RYK: variants seen among roughly 807,000 people sequenced by gnomAD.
RYK encodes inactive tyrosine-protein kinase RYK.
In RYK, 21 loss-of-function variants were observed where a neutral mutation model predicts 70.2. The observed-to-expected ratio is 0.30, with a 90% CI of 0.21 to 0.43. RYK has a LOEUF of 0.43. Among genes scored for constraint, RYK ranks in the 20% least tolerant of loss-of-function variants. The probability of loss-of-function intolerance (pLI) is 1.00; values close to 1 mark genes in which losing one functional copy is unlikely to be tolerated. For synonymous variants in RYK, 267 were observed against 278.0 expected (o/e 0.96, Z 0.39); for missense variants, 604 against 753.3 (o/e 0.80, Z 2.32).
chr3:134,186,412 A>C (rs569128487), intron 9 of RYK, among the ~76,000 whole-genome samples: 2 of 152,374 alleles, frequency 1.3e-5, no homozygotes, highest in South Asian at 4.1e-4. Context: ...CATGTAACAA[A>C]GCATACAGAT....
Position 134,195,096 on chromosome 3 carries a change from G to A in RYK, c.875C>T (p.Ala292Val). Residue 292 changes from alanine (A) to valine (V), a missense_variant, in exon 7 of 15, where the codon GCA becomes GTA. Ala to Val is a moderately conservative substitution (Grantham distance 64). Around this residue, in one of 2 missense-constraint regions of RYK, gnomAD observed 466 missense variants for 535.9 expected, o/e 0.87. Transcript: ENST00000623711. ...TTAACTCTTACTGGTGATAGGAGTT[G>A]CATTGTTGGGCGTGTCTGCTCTCAG... ...QYLRADTPNN[A>V]TPITSYPTLR... The A allele has an allele frequency of 6.2e-7, 1 of 1,611,570 alleles. No homozygotes were observed. The highest frequency in any genetic ancestry group is 2.2e-5 in the East Asian group (1 of 44,852).
At chr3:134,248,370 G>T (rs2015525820) in intron 1 of RYK, among the ~76,000 whole-genome samples, 1 of 152,118 alleles carries the variant, frequency 6.6e-6, no homozygotes, top group Non-Finnish European at 1.5e-5. Flanking sequence ...TTAGTTCCAG[G>T]CCAACCTTTG....
At chr3:134,211,062 A>G (rs1408021236) in intron 3 of RYK, among the ~76,000 whole-genome samples, 1 of 152,222 alleles carries the variant, frequency 6.6e-6, no homozygotes, top group Non-Finnish European at 1.5e-5. Context: ...ACAAGGCTAG[A>G]CAGGCAGGCA....
intron 11 of RYK, among the ~76,000 whole-genome samples, chr3:134,177,740 A>C (rs1357956236): frequency 6.6e-6 from 1 of 152,020 alleles, no homozygotes; most frequent in African/African-American, 2.4e-5. Flanking sequence ...CTTCAGCATC[A>C]GCACAGTGTA....
At chr3:134,230,361 G>A (rs1023973262) in intron 1 of RYK, among the ~76,000 whole-genome samples, 10 of 152,160 alleles carry the variant, frequency 6.6e-5, no homozygotes, top group Non-Finnish European at 1.0e-4. Flanking sequence ...GATTACAAGC[G>A]TGAGCCACCA....
chr3:134,188,816 A>AC (rs2013552640), intron 9 of RYK, 21 bp downstream of exon 9: 1 of 1,427,638 alleles, frequency 7.0e-7, no homozygotes, highest in Non-Finnish European at 9.8e-7. Flanking sequence ...TCATGGAAAT[A>AC]CTATGGAAAA....
At chr3:134,203,898 G>C (rs1320859479) in intron 5 of RYK, among the ~76,000 whole-genome samples, 1 of 152,184 alleles carries the variant, frequency 6.6e-6, no homozygotes, top group Non-Finnish European at 1.5e-5. Flanking sequence ...AGGAACTGAT[G>C]TTTTAATTTT....
Position 134,201,332 on chromosome 3 carries a change from C to G in RYK, c.788+1398G>C, listed in dbSNP as rs1373821007. 2.0e-5 allele frequency among the ~76,000 whole-genome samples: 3 copies of G among 152,292 alleles called. No homozygotes were observed. In the East Asian group the frequency reaches 5.8e-4, roughly 29 times the overall value. On this transcript the variant is annotated intron_variant, in intron 6 of 14. Transcript: ENST00000623711. ...GAGTACTAAGGGGCAGGTATTGAAT[C>G]CAACCAGCTCCCTTCCCCTTCATAT...
intron 1 of RYK, among the ~76,000 whole-genome samples, chr3:134,245,140 A>G (rs186080040): frequency 4.3e-4 from 65 of 152,354 alleles, no homozygotes; most frequent in Middle Eastern, 3.4e-3. Flanking sequence ...TGGAAATGAC[A>G]GTACATAACA....
intron 9 of RYK, among the ~76,000 whole-genome samples, chr3:134,188,165 A>C (rs74441346): frequency 1.0e-5 from 1 of 98,888 alleles, no homozygotes; most frequent in Non-Finnish European, 2.2e-5. Flanking sequence ...ATATATATAT[A>C]TATTTTTTTT....
chr3:134,184,434 C>A (rs1021802962), intron 9 of RYK, among the ~76,000 whole-genome samples: 1 of 152,034 alleles, frequency 6.6e-6, no homozygotes, highest in African/African-American at 2.4e-5. Context: ...AGAGGAATTT[C>A]TCCACTGCTT....
chr3:134,175,463 C>T, intron 13 of RYK, 146 bp downstream of exon 13: 1 of 836,820 alleles, frequency 1.2e-6, no homozygotes, highest in Non-Finnish European at 1.9e-6. Context: ...GGTTGACTGG[C>T]AGCTAATTAC....
intron 3 of RYK, among the ~76,000 whole-genome samples, 176 bp downstream of exon 3, chr3:134,211,332 G>A (rs1327280711): frequency 6.6e-6 from 1 of 152,214 alleles, no homozygotes; most frequent in African/African-American, 2.4e-5. Flanking sequence ...GGACAGAAAA[G>A]AGAGAATGGT....
chr3:134,185,670 G>C (rs2013438416), intron 9 of RYK, among the ~76,000 whole-genome samples: 1 of 152,024 alleles, frequency 6.6e-6, no homozygotes, highest in African/African-American at 2.4e-5. Flanking sequence ...ATGAAATTAT[G>C]GCCAGGACTA....
In RYK at chr3:134,157,431, G is replaced by A. The variant is rs577949383; in HGVS notation, c.*722C>T. 1.3e-5 allele frequency: 2 copies of A among 152,312 alleles called. No homozygotes were observed. Among genetic ancestry groups the A allele is most frequent in the South Asian group, 4.1e-4 (2 of 4,828 alleles). 9.4% of individuals were successfully genotyped at this position (152,312 alleles called of 1,614,324 possible). On this transcript the variant is annotated 3_prime_UTR_variant, in exon 15 of 15. Transcript: ENST00000623711. ...TGCCCCAAACCACATCTGGTTCACA[G>A]AAAGGCTAATTTCTGCCAAATTAAA... is the stretch of plus-strand genomic sequence containing the variant.
intron 1 of RYK, among the ~76,000 whole-genome samples, chr3:134,246,080 A>G (rs1331081124): frequency 2.0e-5 from 3 of 152,140 alleles, no homozygotes; most frequent in Non-Finnish European, 4.4e-5. Context: ...TACACACATC[A>G]GAGATAAGTA....
At chr3:134,164,354 AG>A (rs1357005804) in intron 13 of RYK, among the ~76,000 whole-genome samples, 1 of 152,222 alleles carries the variant, frequency 6.6e-6, no homozygotes, top group East Asian at 1.9e-4. Flanking sequence ...GCCACAACCA[AG>A]ATAAGGAGCA....
intron 1 of RYK, among the ~76,000 whole-genome samples, chr3:134,235,363 A>G (rs2015175916): frequency 6.6e-6 from 1 of 152,256 alleles, no homozygotes; most frequent in Admixed American, 6.5e-5. Flanking sequence ...TTTCTAGTCT[A>G]TATCTTTTCC....
Position 134,208,136 on chromosome 3 carries a change from G to C in RYK, c.590-611C>G, listed in dbSNP as rs1312224227. The stretch of plus-strand genomic sequence containing the variant: ...CAGAATAGAAAATTACTCCAACACA[G>C]AATTTTAATGTTAATTTCACACACA... On this transcript the variant is annotated intron_variant, in intron 4 of 14. Transcript: ENST00000623711. Among the ~76,000 whole-genome samples, 6 of 152,138 alleles carry C rather than the reference G, an allele frequency of 3.9e-5. 1 individual carries two copies. Among genetic ancestry groups the C allele is most frequent in the Admixed American group, 3.9e-4 (6 of 15,274 alleles).
Sources: allele counts gnomAD v4.1 joint callset (sites outside exome capture counted in the v4.1 genomes callset), GRCh38; gene constraint gnomAD v4.1.1; regional missense constraint gnomAD v4.1.1; transcripts MANE v1.5; gene names NCBI Gene and HGNC (gene_info 2026-07-23, HGNC 2026-07-21).